The following ALDH1A2 variants were observed in gnomAD, a reference collection of about 807,000 sequenced individuals.
ALDH1A2 encodes aldehyde dehydrogenase 1 family member A2.
A neutral mutation model predicts 60.3 loss-of-function variants in ALDH1A2; 27 were observed. The observed-to-expected ratio is 0.45, with a 90% CI of 0.33 to 0.62. The LOEUF is 0.62. ALDH1A2 is among the 20% of genes least tolerant of loss of function. The pLI is 0.02. For synonymous variants in ALDH1A2, 289 were observed against 232.4 expected, an observed-to-expected ratio of 1.24 and a Z score of -2.21; for missense variants, 581 against 643.8, an observed-to-expected ratio of 0.90 and a Z score of 1.06.
chr15:57,970,314 C>T (rs1894021370), intron 7 of ALDH1A2, among the ~76,000 whole-genome samples: 1 of 152,198 alleles, frequency 6.6e-6, no homozygotes, highest in Non-Finnish European at 1.5e-5. Context: ...GCTCTGTGTA[C>T]CCCAAACATG....
chr15:58,004,025 T>C (rs1339725459), intron 4 of ALDH1A2, among the ~76,000 whole-genome samples: 1 of 151,826 alleles, frequency 6.6e-6, no homozygotes, highest in Non-Finnish European at 1.5e-5. Flanking sequence ...AACATCCAGC[T>C]GTGGGCCTTG....
chr15:57,994,187 T>C (rs1020888347), intron 5 of ALDH1A2, among the ~76,000 whole-genome samples: 3 of 152,182 alleles, frequency 2.0e-5, no homozygotes, highest in East Asian at 1.9e-4. Flanking sequence ...CCAAGTAGGA[T>C]TTCCCCAGGG....
chr15:57,979,098 A>G (rs1894385996), intron 7 of ALDH1A2, among the ~76,000 whole-genome samples: 2 of 151,994 alleles, frequency 1.3e-5, no homozygotes, highest in African/African-American at 4.8e-5. Flanking sequence ...CTCAGCATCC[A>G]CTTCCTTGTA....
At chr15:58,017,864 C>T (rs1451535452) in intron 1 of ALDH1A2, among the ~76,000 whole-genome samples, 1 of 152,026 alleles carries the variant, frequency 6.6e-6, no homozygotes, top group Non-Finnish European at 1.5e-5. Flanking sequence ...AATGTGATGG[C>T]TATTTTTCCT....
At chr15:57,991,170 A>G (rs1315145540) in intron 7 of ALDH1A2, among the ~76,000 whole-genome samples, 5 of 152,166 alleles carry the variant, frequency 3.3e-5, no homozygotes, top group Admixed American at 6.5e-5. Flanking sequence ...ATCTAGGTTT[A>G]TATTTTTCCC....
intron 6 of ALDH1A2, 34 bp from the exon 7 acceptor site, chr15:57,992,852 T>C: frequency 6.2e-7 from 1 of 1,613,856 alleles, no homozygotes; most frequent in Non-Finnish European, 8.5e-7. Flanking sequence ...ACGTGGCTGA[T>C]GAAAGCTGAT....
chr15:57,973,631 A>G (rs1270590777), intron 7 of ALDH1A2, among the ~76,000 whole-genome samples: 10 of 152,236 alleles, frequency 6.6e-5, no homozygotes, highest in Admixed American at 2.6e-4. Context: ...AAAATTCTCC[A>G]TCCACCACTA....
At chr15:57,994,995 A>C in intron 5 of ALDH1A2, 83 bp downstream of exon 5, 1 of 1,325,144 alleles carries the variant, frequency 7.5e-7, no homozygotes, top group Non-Finnish European at 1.1e-6. Flanking sequence ...GAAAACACAC[A>C]TCGCTGAGGA....
Position 57,960,864 on chromosome 15 carries a change from C to A in ALDH1A2, c.1410-20G>T. 1 of 1,608,928 alleles carries A rather than the reference C, an allele frequency of 6.2e-7. No individual in the cohort carries two copies. The highest frequency in any genetic ancestry group is 1.1e-5 in the South Asian group (1 of 90,906). ...TTGATCCTGAAAGAAGAAAACATAG[C>A]ACTGTGAGTTCGTGTGAAGTCTGAG... On this transcript the variant is annotated intron_variant, in intron 11 of 12. Coordinates refer to ENST00000249750, the MANE Select transcript of ALDH1A2 (RefSeq NM_003888.4).
intron 1 of ALDH1A2, among the ~76,000 whole-genome samples, chr15:58,054,614 T>C (rs1291121012): frequency 6.6e-6 from 1 of 152,098 alleles, no homozygotes; most frequent in Non-Finnish European, 1.5e-5. Flanking sequence ...ACAGAAATTA[T>C]AGCCCAGTTA....
intron 1 of ALDH1A2, among the ~76,000 whole-genome samples, chr15:58,029,866 T>C (rs1487355544): frequency 6.6e-6 from 1 of 152,146 alleles, no homozygotes; most frequent in Non-Finnish European, 1.5e-5. Context: ...AATAGACCAA[T>C]AATCAGTTCT....
At chr15:58,047,864 A>C (rs976266424) in intron 1 of ALDH1A2, among the ~76,000 whole-genome samples, 2 of 152,020 alleles carry the variant, frequency 1.3e-5, no homozygotes, top group African/African-American at 2.4e-5. Flanking sequence ...TAGAAAAAAC[A>C]CCTAGATGAT....
chr15:58,029,644 A>C (rs1430542497), intron 1 of ALDH1A2, among the ~76,000 whole-genome samples: 1 of 152,120 alleles, frequency 6.6e-6, no homozygotes, highest in Non-Finnish European at 1.5e-5. Flanking sequence ...AACAAAACAG[A>C]TATACTGCTA....
intron 1 of ALDH1A2, among the ~76,000 whole-genome samples, chr15:58,060,280 A>T (rs1428979931): frequency 6.6e-6 from 1 of 151,350 alleles, no homozygotes; most frequent in Admixed American, 6.6e-5. Flanking sequence ...AGATCTCTAA[A>T]TATATATATA....
chr15:57,972,009 C>T (rs1243798094), intron 7 of ALDH1A2, among the ~76,000 whole-genome samples: 2 of 152,156 alleles, frequency 1.3e-5, no homozygotes, highest in African/African-American at 2.4e-5. Context: ...GAATTATGGG[C>T]GTGAGCCATC....
rs1271135399 is a variant in ALDH1A2 at position 57,993,065 on chromosome 15, G to T, written c.564C>A (p.Phe188Leu). ...GVCGQIIPWN[F>L]PLLMFAWKIA... ...TTTTCCAGGCAAACATCAGCAGGGGGAAGTTCCACTGAAAGGAAAAAACTC... is the reference window on the plus strand; with the variant it reads ...TTTTCCAGGCAAACATCAGCAGGGGTAAGTTCCACTGAAAGGAAAAAACTC... The change falls in exon 6 of 13, where the codon TTC (phenylalanine) becomes TTA (leucine). Residue 188 changes from phenylalanine (F) to leucine (L), a missense_variant. Coordinates refer to ENST00000249750, the MANE Select transcript of ALDH1A2 (RefSeq NM_003888.4). 1.2e-6 allele frequency: 2 copies of T among 1,612,440 alleles called. No homozygotes were observed. Among genetic ancestry groups the T allele is most frequent in the Non-Finnish European group, 1.7e-6 (2 of 1,179,896 alleles).
At chr15:58,053,932 A>C (rs1896835515) in intron 1 of ALDH1A2, among the ~76,000 whole-genome samples, 3 of 152,194 alleles carry the variant, frequency 2.0e-5, no homozygotes, top group Admixed American at 2.0e-4. Flanking sequence ...CCATTTGTGA[A>C]GGTTAATTTA....
At chr15:57,982,280 T>TGTGAA (rs1177631398) in intron 7 of ALDH1A2, among the ~76,000 whole-genome samples, 1 of 152,222 alleles carries the variant, frequency 6.6e-6, no homozygotes, top group Admixed American at 6.5e-5. Flanking sequence ...TAACATGTAA[T>TGTGAA]GTGAATGAAT....
chr15:58,033,464 G>T (rs1423086214), intron 1 of ALDH1A2, among the ~76,000 whole-genome samples: 1 of 151,494 alleles, frequency 6.6e-6, no homozygotes, highest in Non-Finnish European at 1.5e-5. Context: ...TTTATTCATG[G>T]TATTTTATCA....
Sources: gnomAD v4.1 joint callset for allele counts (sites outside exome capture counted in the v4.1 genomes callset) on GRCh38, gnomAD v4.1.1 for gene constraint, MANE v1.5 for transcripts, NCBI Gene and HGNC (gene_info 2026-07-23, HGNC 2026-07-21) for gene names.